The following RAD51B variants were observed in gnomAD, a reference collection of about 807,000 sequenced individuals.
The protein encoded by RAD51B is DNA repair protein RAD51 homolog 2.
Under a neutral mutation model 42.2 loss-of-function variants are expected in RAD51B, and 38 were observed. The observed-to-expected ratio is 0.90, with a 90% CI of 0.70 to 1.18. The LOEUF (loss-of-function observed/expected upper bound fraction) is 1.18. Among genes scored for constraint, RAD51B ranks in the 50% most tolerant of loss-of-function variants. The pLI is 0.00. For synonymous variants in RAD51B, 154 were observed against 145.2 expected (o/e 1.06, Z -0.43); for missense variants, 373 against 400.7 (o/e 0.93, Z 0.59).
intron 7 of RAD51B, among the ~76,000 whole-genome samples, chr14:68,237,945 A>G (rs1397802257): frequency 6.6e-6 from 1 of 151,890 alleles, no homozygotes; most frequent in African/African-American, 2.4e-5. Context: ...GTGTTGGCCA[A>G]GATGGTCTCG....
chr14:68,491,623 C>A (rs997015955), intron 10 of RAD51B, among the ~76,000 whole-genome samples: 3 of 152,168 alleles, frequency 2.0e-5, no homozygotes, highest in African/African-American at 7.2e-5. Context: ...AGTGGGGGGG[C>A]ACTGCAAGAA....
chr14:68,000,351 T>G (rs905934830), intron 7 of RAD51B: 4 of 152,188 alleles, frequency 2.6e-5, no homozygotes, highest in African/African-American at 9.6e-5. Flanking sequence ...CTGTAAAAAT[T>G]GATTTCCTAG....
intron 11 of RAD51B, among the ~76,000 whole-genome samples, chr14:68,668,872 A>C (rs942235481): frequency 1.3e-5 from 2 of 152,228 alleles, no homozygotes; most frequent in Non-Finnish European, 2.9e-5. Context: ...CCAAATCCCC[A>C]AGAAAAGTCT....
chr14:67,878,786 A>G (rs2042810850), intron 5 of RAD51B, among the ~76,000 whole-genome samples: 1 of 151,988 alleles, frequency 6.6e-6, no homozygotes, highest in African/African-American at 2.4e-5. Context: ...TATAACCTCC[A>G]CTTCCTGGGT....
chr14:68,135,172 T>C (rs989902474), intron 7 of RAD51B, among the ~76,000 whole-genome samples: 2 of 152,180 alleles, frequency 1.3e-5, no homozygotes, highest in African/African-American at 4.8e-5. Context: ...TAATACCTGC[T>C]TTTCTCTAGT....
At chr14:68,613,506 T>A (rs1393490695), downstream of RAD51B, among the ~76,000 whole-genome samples, 1 of 149,536 alleles carries the variant, frequency 6.7e-6, no homozygotes, top group African/African-American at 2.5e-5. Flanking sequence ...CAGGCTGGAG[T>A]GCAGTGGCAC....
chr14:68,357,225 T>C lies in RAD51B; in HGVS notation c.854-54199T>C, dbSNP rs532231682. Among the ~76,000 whole-genome samples the C allele has an allele frequency of 6.3e-4, 96 of 152,312 alleles. 1 individual carries two copies. Among genetic ancestry groups the C allele is most frequent in the African/African-American group, 2.3e-3 (94 of 41,574 alleles). On this transcript the variant is annotated intron_variant, in intron 8 of 10. Coordinates refer to ENST00000471583, the MANE Select transcript of RAD51B (RefSeq NM_133510.4). ...ATAGCATCCTCACCAGTAGATTCCA[T>C]CTCAAGAGACCACTTTCTTTGCTTA... is the stretch of plus-strand genomic sequence containing the variant.
intron 10 of RAD51B, among the ~76,000 whole-genome samples, chr14:68,547,571 G>A (rs1360555069): frequency 6.6e-6 from 1 of 152,178 alleles, no homozygotes; most frequent in Non-Finnish European, 1.5e-5. Flanking sequence ...GAACCTCCGG[G>A]GCAGGAGACA....
intron 7 of RAD51B, among the ~76,000 whole-genome samples, chr14:68,234,570 G>A (rs1255262239): frequency 1.3e-5 from 2 of 152,130 alleles, no homozygotes; most frequent in South Asian, 2.1e-4. Context: ...GCATGTTATT[G>A]TACTGAATAC....
At chr14:68,448,983 A>G (rs1429182107) in intron 9 of RAD51B, among the ~76,000 whole-genome samples, 1 of 152,218 alleles carries the variant, frequency 6.6e-6, no homozygotes, top group African/African-American at 2.4e-5. Context: ...CAAAATATTT[A>G]TGTACTCACC....
intron 4 of RAD51B, among the ~76,000 whole-genome samples, chr14:67,838,642 G>A (rs1459050467): frequency 1.3e-5 from 2 of 151,970 alleles, no homozygotes; most frequent in Non-Finnish European, 2.9e-5. Context: ...ATGAGGGCTT[G>A]CTATGTTGCC....
chr14:68,661,464 G>A (rs901009754), intron 11 of RAD51B, among the ~76,000 whole-genome samples: 12 of 152,244 alleles, frequency 7.9e-5, no homozygotes, highest in Non-Finnish European at 1.6e-4. Context: ...TGGCCCGGGG[G>A]AAATTCAATC....
chr14:68,345,212 A>G (rs2082654336), intron 8 of RAD51B, among the ~76,000 whole-genome samples: 1 of 152,174 alleles, frequency 6.6e-6, no homozygotes, highest in Non-Finnish European at 1.5e-5. Context: ...ACAAATTAAG[A>G]CTTGGGAGAA....
intron 8 of RAD51B, among the ~76,000 whole-genome samples, chr14:68,385,829 C>T (rs2083583218): frequency 1.3e-5 from 2 of 152,206 alleles, no homozygotes; most frequent in African/African-American, 4.8e-5. Flanking sequence ...TGTTGTCAGA[C>T]ACTACTCTAG....
At chr14:68,402,040 A>T (rs1020692532) in intron 8 of RAD51B, among the ~76,000 whole-genome samples, 13 of 152,166 alleles carry the variant, frequency 8.5e-5, no homozygotes, top group Non-Finnish European at 1.8e-4. Flanking sequence ...GACCCAAGGA[A>T]GTAGAATGCA....
chr14:68,551,765 T>C (rs745884722), intron 10 of RAD51B, among the ~76,000 whole-genome samples: 4 of 152,242 alleles, frequency 2.6e-5, no homozygotes, highest in Non-Finnish European at 5.9e-5. Context: ...TCATTTTCCA[T>C]GTGCAGGCAC....
At chr14:68,085,799 C>T (rs1462165243) in intron 7 of RAD51B, among the ~76,000 whole-genome samples, 1 of 152,098 alleles carries the variant, frequency 6.6e-6, no homozygotes, top group African/African-American at 2.4e-5. Context: ...GAAAAGTTCC[C>T]TTGTCCCCCT....
In RAD51B at chr14:68,531,472, G is replaced by A. The variant is rs79969137; in HGVS notation, c.1037-63013G>A. On this transcript the variant is annotated intron_variant, in intron 10 of 10. Transcript: ENST00000487270. ...GGGTGGTGTCACAGTAAGGCAAATG[G>A]AATCTTGGGAAATATATGTTAATAG... is the stretch of plus-strand genomic sequence containing the variant. Among the ~76,000 whole-genome samples the A allele has an allele frequency of 7.3e-3, 1,107 of 152,154 alleles. 10 individuals carry two copies. Among genetic ancestry groups the A allele is most frequent in the African/African-American group, 0.026 (1,079 of 41,510 alleles).
chr14:68,401,867 T>C (rs2084114677), intron 8 of RAD51B, among the ~76,000 whole-genome samples: 1 of 152,220 alleles, frequency 6.6e-6, no homozygotes, highest in Non-Finnish European at 1.5e-5. Context: ...TTTTTTCGTA[T>C]CTAAAATGGT....
Sources: gnomAD v4.1 joint callset for allele counts (sites outside exome capture counted in the v4.1 genomes callset) on GRCh38, gnomAD v4.1.1 for gene constraint, MANE v1.5 for transcripts, NCBI Gene and HGNC (gene_info 2026-07-23, HGNC 2026-07-21) for gene names.